SLC22A17: variants seen among roughly 807,000 people sequenced by gnomAD.
The protein encoded by SLC22A17 is 24p3 receptor.
Under a neutral mutation model 53.6 loss-of-function variants are expected in SLC22A17, and 38 were observed. That is an observed-to-expected ratio of 0.71 (90% CI 0.55 to 0.93). SLC22A17 has a LOEUF of 0.93. Among genes scored for constraint, SLC22A17 ranks in the 40% least tolerant of loss-of-function variants. SLC22A17 has a pLI of 0.00. For missense variants in SLC22A17, 704 were observed against 791.0 expected, an observed-to-expected ratio of 0.89 and a Z score of 1.32; for synonymous variants, 379 against 353.0, an observed-to-expected ratio of 1.07 and a Z score of -0.82.
rs1054219279 is a variant in SLC22A17, at chr14:23,346,948, C to G, written c.1662-12G>C. 1.3e-6 allele frequency: 2 copies of G among 1,525,790 alleles called. No homozygotes were observed. Among genetic ancestry groups the G allele is most frequent in the Non-Finnish European group, 8.8e-7 (1 of 1,141,068 alleles). The allele number at this position is 1,525,790 out of a possible 1,614,324, so 94.5% of individuals were successfully genotyped here. A position where few individuals can be genotyped will look rare whatever the true frequency, so the allele number is the denominator to read the frequency against. On this transcript the variant is annotated splice_polypyrimidine_tract_variant and intron_variant, in intron 9 of 9. Coordinates refer to ENST00000397267, the Ensembl canonical transcript of SLC22A17. ...CCAGGCCACGGCCCCTGGGGGGAGA[C>G]AGAGGAGGAGCTCAGCCCACAGCTG...
Position 23,352,784 on chromosome 14 carries a change from G to A in SLC22A17, c.-43C>T. ...CCCTGCCGGCCCGCGCCGAAAGGAT[G>A]CGCTGTCCTCTGGCTCAGTTGCGCG... On this transcript the variant is annotated 5_prime_UTR_variant, in exon 1 of 10. Transcript: ENST00000397267. This position sits in a 1 kb window ranked among gnomAD's most constrained non-coding sequence, Gnocchi z 7.2. 2 of 398,798 alleles carry A rather than the reference G, an allele frequency of 5.0e-6. No individual in the cohort carries two copies. Among genetic ancestry groups the A allele is most frequent in the Non-Finnish European group, 8.9e-6 (2 of 225,856 alleles). The allele number at this position is 398,798 out of a possible 1,614,324, so 24.7% of individuals were successfully genotyped here. A position where few individuals can be genotyped will look rare whatever the true frequency, so the allele number is the denominator to read the frequency against.
At position 23,352,008 on chromosome 14, in the gene SLC22A17, A is replaced by G. The variant is rs562284046; in HGVS notation, c.540T>C (p.His180=). ...CATTATAGTCCCAATCCTTGAGGCA[A>G]TGGTTGAAGTCCGGCGGGGCGAAGC... The change falls in exon 2 of 10, where the codon CAT becomes CAC. Residue 180 remains histidine, a synonymous_variant. Transcript: ENST00000397267. This position sits in a 1 kb window ranked among gnomAD's most constrained non-coding sequence, Gnocchi z 7.2. The G allele has an allele frequency of 1.4e-5, 22 of 1,612,254 alleles. No individual in the cohort carries two copies. The highest frequency in any genetic ancestry group is 1.9e-5 in the Non-Finnish European group (22 of 1,179,158).
At chr14:23,346,350 A>G in exon 10 of SLC22A17, 1 of 376,328 alleles carries the variant, frequency 2.7e-6, no homozygotes, top group Non-Finnish European at 4.7e-6. Flanking sequence ...TTATTGAAAC[A>G]GAATGATAGA....
chr14:23,349,737 G>T (rs1889504634), intron 3 of SLC22A17: 5 of 415,256 alleles, frequency 1.2e-5, no homozygotes, highest in Non-Finnish European at 2.2e-5. Context: ...TATTGCTTAG[G>T]GGATTTGGGA....
rs748566938 is a variant in SLC22A17 at position 23,347,581 on chromosome 14, C to T, written c.1428G>A (p.Arg476=). Residue 476 remains arginine (R), a synonymous_variant, in exon 8 of 10, where the codon CGG becomes CGA. Coordinates refer to ENST00000397267, the Ensembl canonical transcript of SLC22A17. The surrounding 1 kb of genome is among the most constrained non-coding windows in gnomAD (Gnocchi z 5.1). ...GGGTCATGGAGAGAAGAAGGATGCCCCGGCGGCCAAATCGGTCCACGGTGA... is the reference window on the plus strand; with the variant it reads ...GGGTCATGGAGAGAAGAAGGATGCCTCGGCGGCCAAATCGGTCCACGGTGA... The T allele has an allele frequency of 7.4e-5, 120 of 1,613,882 alleles. No homozygotes were observed. In the South Asian group the frequency reaches 1.3e-3, roughly 17 times the overall value.
chr14:23,351,686 C>T (rs1889629068), intron 3 of SLC22A17, 66 bp downstream of exon 3: 5 of 1,429,872 alleles, frequency 3.5e-6, no homozygotes, highest in Non-Finnish European at 4.8e-6. Flanking sequence ...TAAACGCCCG[C>T]TGCTTGGGTT....
At chr14:23,351,916 C>T (rs1330210044) in intron 2 of SLC22A17, 32 bp downstream of exon 2, 1 of 1,611,958 alleles carries the variant, frequency 6.2e-7, no homozygotes. Context: ...CTCTGCCCGC[C>T]CCCAGACCCG....
chr14:23,350,055 C>G (rs1416734063), intron 3 of SLC22A17, among the ~76,000 whole-genome samples: 1 of 152,134 alleles, frequency 6.6e-6, no homozygotes, highest in Non-Finnish European at 1.5e-5. Context: ...CCTGTAATCC[C>G]AGCACTTTGG....
rs1189164159 is a variant in SLC22A17 at position 23,352,504 on chromosome 14, A to G, written c.97-53T>C. ...AAGGGTGAAGCGGAGGAAACCGCAG[A>G]GCAAGGGCAGGGGGCAGGTGGGAGG... On this transcript the variant is annotated intron_variant, in intron 1 of 9. Transcript: ENST00000397267. The surrounding 1 kb of genome is among the most constrained non-coding windows in gnomAD (Gnocchi z 7.2). 8 of 422,872 alleles carry G rather than the reference A, an allele frequency of 1.9e-5. No individual in the cohort carries two copies. The highest frequency in any genetic ancestry group is 2.9e-5 in the Non-Finnish European group (7 of 242,212). The allele number at this position is 422,872 out of a possible 1,614,324, so 26.2% of individuals were successfully genotyped here.
At chr14:23,349,367 C>A (rs1889475503) in exon 4 of SLC22A17, 1 of 1,613,976 alleles carries the variant, frequency 6.2e-7, no homozygotes, top group Non-Finnish European at 8.5e-7. Context: ...AGCAGCCCCT[C>A]CTACTCCACA....
At position 23,348,546 on chromosome 14, in the gene SLC22A17, G is replaced by A. The variant is rs1042941330; in HGVS notation, c.985C>T (p.Arg329Ter). Residue 329 changes from arginine (R) to a stop codon, truncating the protein, a stop_gained, in exon 5 of 10, where the codon CGA becomes TGA. Coordinates refer to ENST00000397267, the Ensembl canonical transcript of SLC22A17. LOFTEE classifies it high-confidence loss of function. This position sits in a 1 kb window ranked among gnomAD's most constrained non-coding sequence, Gnocchi z 4.5. ...AGGATGCAGGGAGCGGTGATCATTC[G>A]CTGTAGGAATCGCCAATCCTTAGAG... is the stretch of plus-strand genomic sequence containing the variant. 1.9e-6 allele frequency: 3 copies of A among 1,614,046 alleles called. No individual in the cohort carries two copies. The highest frequency in any genetic ancestry group is 2.5e-6 in the Non-Finnish European group (3 of 1,179,982).
In SLC22A17 at chr14:23,347,557, G is replaced by A; in HGVS notation, c.1452C>T (p.Thr484=). Residue 484 remains threonine, a synonymous_variant, in exon 8 of 10, where the codon ACC becomes ACT. Transcript: ENST00000397267. The surrounding 1 kb of genome is among the most constrained non-coding windows in gnomAD (Gnocchi z 5.1). ...GGACCAGGGAAGCAATGCCGGTAAG[G>A]GTCATGGAGAGAAGAAGGATGCCCC... is the stretch of plus-strand genomic sequence containing the variant. The A allele has an allele frequency of 6.2e-7, 1 of 1,614,068 alleles. No individual in the cohort carries two copies. Among genetic ancestry groups the A allele is most frequent in the South Asian group, 1.1e-5 (1 of 91,080 alleles).
chr14:23,351,682 C>T (rs1428401343), intron 3 of SLC22A17, 70 bp downstream of exon 3: 14 of 1,385,598 alleles, frequency 1.0e-5, no homozygotes, highest in Middle Eastern at 1.8e-4. Context: ...CCTGTAAACG[C>T]CCGCTGCTTG....
Sources: gnomAD v4.1 joint callset for allele counts (sites outside exome capture counted in the v4.1 genomes callset) on GRCh38, gnomAD v4.1.1 for gene constraint, Gnocchi (gnomAD v3.1) non-coding constraint, MANE v1.5 for transcripts, NCBI Gene and HGNC (gene_info 2026-07-23, HGNC 2026-07-21) for gene names.